Variants in SEPTIN9 observed in about 807,000 individuals in gnomAD.
SEPTIN9 encodes the protein septin-9.
In SEPTIN9, 13 loss-of-function variants were observed where a neutral mutation model predicts 56.6. That is an observed-to-expected ratio of 0.23 (90% CI 0.15 to 0.37). SEPTIN9 has a LOEUF of 0.37. SEPTIN9 is among the 10% of genes least tolerant of loss of function. The probability of loss-of-function intolerance (pLI) is 1.00; values close to 1 mark genes in which losing one functional copy is unlikely to be tolerated. For synonymous variants in SEPTIN9, 332 were observed against 334.1 expected (o/e 0.99, Z 0.07); for missense variants, 650 against 823.1 (o/e 0.79, Z 2.57).
rs945748821 is a variant in SEPTIN9 at position 77,436,101 on chromosome 17, G to A, written c.721+33398G>A. On this transcript the variant is annotated intron_variant, in intron 3 of 11. Transcript: ENST00000427177. The surrounding 1 kb of genome is among the most constrained non-coding windows in gnomAD (Gnocchi z 4.4). ...GCTGGGTGGGAGTTGAGTTGAGCTC[G>A]GCGGCTGCCTTTCCACCCTGCGGGC... is the stretch of plus-strand genomic sequence containing the variant. Among the ~76,000 whole-genome samples the A allele has an allele frequency of 1.3e-5, 2 of 152,184 alleles. No homozygotes were observed. The highest frequency in any genetic ancestry group is 1.5e-5 in the Non-Finnish European group (1 of 68,032).
rs571267743 is a variant in SEPTIN9, at chr17:77,451,738, C to G, written c.722-30406C>G. On this transcript the variant is annotated intron_variant, in intron 3 of 11. Coordinates refer to ENST00000427177, the MANE Select transcript of SEPTIN9 (RefSeq NM_001113491.2). The surrounding 1 kb of genome is among the most constrained non-coding windows in gnomAD (Gnocchi z 4.2). Reference sequence around the variant, plus strand: ...GATCTCCACGCGGGGACCAGATTTTCGGCCTCAAAATAGAAGAATAGGGCT... The same window carrying G: ...GATCTCCACGCGGGGACCAGATTTTGGGCCTCAAAATAGAAGAATAGGGCT... 6.6e-6 allele frequency among the ~76,000 whole-genome samples: 1 copy of G among 152,314 alleles called. No homozygotes were observed. The highest frequency in any genetic ancestry group is 2.1e-4 in the South Asian group (1 of 4,834).
intron 8 of SEPTIN9, among the ~76,000 whole-genome samples, chr17:77,491,949 C>T (rs937156124): frequency 2.0e-5 from 3 of 152,052 alleles, no homozygotes; most frequent in African/African-American, 7.2e-5. Context: ...GACAGGGCAG[C>T]ACATCAGAGC....
At chr17:77,302,498 T>C (rs1175147171) in intron 1 of SEPTIN9, among the ~76,000 whole-genome samples, 1 of 151,996 alleles carries the variant, frequency 6.6e-6, no homozygotes, top group Non-Finnish European at 1.5e-5. Flanking sequence ...GCCAACATGG[T>C]GAAACCCCAT....
chr17:77,351,064 A>C (rs1306748542), intron 2 of SEPTIN9, among the ~76,000 whole-genome samples: 1 of 150,724 alleles, frequency 6.6e-6, no homozygotes, highest in East Asian at 1.9e-4. Flanking sequence ...GAGTGTGTAT[A>C]TGTGTGTGCC....
At position 77,329,993 on chromosome 17, in the gene SEPTIN9, G is replaced by A. The variant is rs989180944; in HGVS notation, c.76+22796G>A. Among the ~76,000 whole-genome samples the A allele has an allele frequency of 6.6e-6, 1 of 152,170 alleles. No homozygotes were observed. The highest frequency in any genetic ancestry group is 2.4e-5 in the African/African-American group (1 of 41,440). Reference sequence around the variant, plus strand: ...TGCCCCCGCTCCAGGCAACACAGTCGAGCTGCAGCCCCCGCTCCATCCCCA... The same window carrying A: ...TGCCCCCGCTCCAGGCAACACAGTCAAGCTGCAGCCCCCGCTCCATCCCCA... On this transcript the variant is annotated intron_variant, in intron 2 of 11. Coordinates refer to ENST00000427177, the MANE Select transcript of SEPTIN9 (RefSeq NM_001113491.2). This position sits in a 1 kb window ranked among gnomAD's most constrained non-coding sequence, Gnocchi z 4.3.
chr17:77,352,931 G>A (rs2034111161), intron 2 of SEPTIN9, among the ~76,000 whole-genome samples: 1 of 152,168 alleles, frequency 6.6e-6, no homozygotes, highest in Admixed American at 6.5e-5. Context: ...TTAGAGACAT[G>A]AGCTGCTGTG....
chr17:77,415,451 A>G (rs1039212834), intron 3 of SEPTIN9, among the ~76,000 whole-genome samples: 2 of 152,140 alleles, frequency 1.3e-5, no homozygotes, highest in Admixed American at 6.5e-5. Context: ...TACTAAAAAT[A>G]TAAAAATTAG....
intron 4 of SEPTIN9, among the ~76,000 whole-genome samples, chr17:77,485,873 T>C (rs436862): frequency 0.57 from 86,051 of 151,944 alleles, 25,501 homozygotes; most frequent in African/African-American, 0.76. Context: ...CAGGGTCTCA[T>C]TGTTGCCCAG....
intron 1 of SEPTIN9, among the ~76,000 whole-genome samples, chr17:77,283,183 AAAAG>A (rs1322061555): frequency 1.3e-5 from 2 of 151,060 alleles, no homozygotes; most frequent in African/African-American, 4.9e-5. Flanking sequence ...TTTTTTAAAA[AAAAG>A]GACAGAACCT....
chr17:77,374,333 G>A (rs1028463021), intron 2 of SEPTIN9: 4 of 152,494 alleles, frequency 2.6e-5, no homozygotes, highest in Non-Finnish European at 4.4e-5. Flanking sequence ...CCAAGCCTGG[G>A]TCTGGCGTCC....
intron 1 of SEPTIN9, chr17:77,288,006 A>G: frequency 1.9e-6 from 2 of 1,059,982 alleles, no homozygotes; most frequent in South Asian, 9.1e-5. Context: ...TCTGGGTGAG[A>G]GGAACCCTGG....
chr17:77,419,538 C>T (rs1355948996), intron 3 of SEPTIN9, among the ~76,000 whole-genome samples: 1 of 152,042 alleles, frequency 6.6e-6, no homozygotes, highest in Admixed American at 6.5e-5. Context: ...GACCCCTCCC[C>T]CTTCCCCAGG....
intron 2 of SEPTIN9, chr17:77,397,157 C>T (rs1473633758): frequency 1.9e-5 from 3 of 154,746 alleles, no homozygotes; most frequent in African/African-American, 4.8e-5. Flanking sequence ...GATTGATTCG[C>T]TCATGGTTCT....
In SEPTIN9 at chr17:77,434,678, A is replaced by G. The variant is rs2144305139; in HGVS notation, c.721+31975A>G. Among the ~76,000 whole-genome samples the G allele has an allele frequency of 6.6e-6, 1 of 152,162 alleles. No homozygotes were observed. Among genetic ancestry groups the G allele is most frequent in the South Asian group, 2.1e-4 (1 of 4,816 alleles). On this transcript the variant is annotated intron_variant, in intron 3 of 11. Coordinates refer to ENST00000427177, the MANE Select transcript of SEPTIN9 (RefSeq NM_001113491.2). This position sits in a 1 kb window ranked among gnomAD's most constrained non-coding sequence, Gnocchi z 5.0. ...TGTGGGCACCCCCGCCCCAGACGTG[A>G]GGGTTGGCATCTTCTCTTGCACGTG...
At chr17:77,463,565 G>C (rs766766340) in intron 3 of SEPTIN9, among the ~76,000 whole-genome samples, 51 of 152,140 alleles carry the variant, frequency 3.4e-4, no homozygotes, top group Non-Finnish European at 6.2e-4. Flanking sequence ...ATTCTCAGCT[G>C]GGTGTGGTGG....
chr17:77,374,424 G>GGGAGT (rs946156096), intron 2 of SEPTIN9: 1 of 152,290 alleles, frequency 6.6e-6, no homozygotes, highest in Non-Finnish European at 1.5e-5. Flanking sequence ...CTGCGTCCGC[G>GGGAGT]GGAGTAAATA....
Position 77,317,759 on chromosome 17 carries a change from A to G in SEPTIN9, c.76+10562A>G, listed in dbSNP as rs141497607. Among the ~76,000 whole-genome samples the G allele has an allele frequency of 2.6e-5, 4 of 152,316 alleles. No homozygotes were observed. Among genetic ancestry groups the G allele is most frequent in the East Asian group, 1.9e-4 (1 of 5,192 alleles). ...CCAGAGTGAAACTCTGTCTCAAAAA[A>G]TAAAAAATAAAGGCCAGGCACAGTG... On this transcript the variant is annotated intron_variant, in intron 2 of 11. Coordinates refer to ENST00000427177, the MANE Select transcript of SEPTIN9 (RefSeq NM_001113491.2). The surrounding 1 kb of genome is among the most constrained non-coding windows in gnomAD (Gnocchi z 4.2).
chr17:77,490,676 G>T, intron 7 of SEPTIN9, 66 bp from the exon 8 acceptor site: 1 of 1,234,230 alleles, frequency 8.1e-7, no homozygotes, highest in South Asian at 1.3e-5. Context: ...ACACCTGCTT[G>T]GGGGTGGGTG....
rs1319036501 is a variant in SEPTIN9, at chr17:77,436,714, A to G, written c.721+34011A>G. Among the ~76,000 whole-genome samples the G allele has an allele frequency of 6.6e-6, 1 of 152,250 alleles. No homozygotes were observed. The highest frequency in any genetic ancestry group is 1.5e-5 in the Non-Finnish European group (1 of 68,048). ...GTAGGGGCTGCGGCGGAGGTGGGCAAAAGCCGCTTCCGGGCAGCCAGCCCC... is the reference window on the plus strand; with the variant it reads ...GTAGGGGCTGCGGCGGAGGTGGGCAGAAGCCGCTTCCGGGCAGCCAGCCCC... On this transcript the variant is annotated intron_variant, in intron 3 of 11. Transcript: ENST00000427177. This position sits in a 1 kb window ranked among gnomAD's most constrained non-coding sequence, Gnocchi z 4.4.
Sources: allele counts gnomAD v4.1 joint callset (sites outside exome capture counted in the v4.1 genomes callset), GRCh38; gene constraint gnomAD v4.1.1; non-coding constraint Gnocchi (gnomAD v3.1); transcripts MANE v1.5; gene names NCBI Gene and HGNC (gene_info 2026-07-23, HGNC 2026-07-21).